CYP2J2: variants seen among roughly 807,000 people sequenced by gnomAD.
CYP2J2 encodes the protein cytochrome P450 family 2 subfamily J member 2.
CYP2J2 carries 41 observed loss-of-function variants against 48.8 expected under a neutral mutation model. The ratio of observed to expected loss-of-function variants is 0.84; its 90% CI spans 0.66 to 1.09. The LOEUF (loss-of-function observed/expected upper bound fraction) is 1.09. Ranked by LOEUF, CYP2J2 falls within the 50% of genes least tolerant of loss-of-function variation. The pLI is 0.00. For missense variants in CYP2J2, 644 were observed against 617.3 expected (o/e 1.04, Z -0.46); for synonymous variants, 221 against 227.1 (o/e 0.97, Z 0.24).
At chr1:59,957,705 A>ACACACAC in the CYP2J2 span, among the ~76,000 whole-genome samples, 35 of 150,688 alleles carry the variant, frequency 2.3e-4, no homozygotes, top group African/African-American at 8.5e-4. Context: ...CACACACACC[A>ACACACAC]CACACACACA....
At chr1:59,941,104 A>G in the CYP2J2 span, among the ~76,000 whole-genome samples, 8 of 152,242 alleles carry the variant, frequency 5.3e-5, no homozygotes, top group Admixed American at 5.2e-4. Context: ...TATAGTTAAC[A>G]ACAATGTACT....
chr1:59,911,691 A>G lies in CYP2J2; in HGVS notation c.601T>C (p.Phe201Leu), dbSNP rs1433203930. The change falls in exon 4 of 9, where the codon TTT becomes CTT. Residue 201 changes from phenylalanine to leucine, a missense_variant. Physicochemically the swap from Phe to Leu is conservative, Grantham distance 22. Transcript: ENST00000371204. Reference sequence around the variant, plus strand: ...TGAAACCAACTATCCTGGTACTCAAAGCGTTCTCCGAAGGTGATGGAGCAA... The same window carrying G: ...TGAAACCAACTATCCTGGTACTCAAGGCGTTCTCCGAAGGTGATGGAGCAA... ...IICSITFGER[F>L]EYQDSWFQQL... is the part of the protein sequence containing the mutation. The G allele has an allele frequency of 1.2e-5, 20 of 1,613,624 alleles. No homozygotes were observed. Among genetic ancestry groups the G allele is most frequent in the Admixed American group, 1.7e-5 (1 of 59,990 alleles).
chr1:59,914,978 C>CGCT (rs1644452040), intron 2 of CYP2J2, among the ~76,000 whole-genome samples: 1 of 152,204 alleles, frequency 6.6e-6, no homozygotes, highest in Non-Finnish European at 1.5e-5. Flanking sequence ...TTGGCAGCAA[C>CGCT]GCTGCTCTGT....
chr1:59,968,475 C>T, the CYP2J2 span, among the ~76,000 whole-genome samples: 1 of 152,120 alleles, frequency 6.6e-6, no homozygotes, highest in Non-Finnish European at 1.5e-5. Flanking sequence ...CCTGGAGTCC[C>T]ACCGAGAAGA....
At chr1:59,944,485 A>G in the CYP2J2 span, among the ~76,000 whole-genome samples, 1 of 152,234 alleles carries the variant, frequency 6.6e-6, no homozygotes, top group Non-Finnish European at 1.5e-5. Context: ...GGCCTCCCAA[A>G]TTACCGGGAT....
intron 6 of CYP2J2, among the ~76,000 whole-genome samples, chr1:59,906,278 C>A (rs1335753599): frequency 6.6e-6 from 1 of 152,168 alleles, no homozygotes; most frequent in African/African-American, 2.4e-5. Context: ...ATCCTTGGAA[C>A]AGGTTCCTAA....
At chr1:59,931,512 A>C (rs547396112), upstream of CYP2J2, among the ~76,000 whole-genome samples, 15 of 152,250 alleles carry the variant, frequency 9.9e-5, no homozygotes, top group South Asian at 3.1e-3. Flanking sequence ...AATACAAGTG[A>C]AACTGAGTAG....
intron 1 of CYP2J2, among the ~76,000 whole-genome samples, chr1:59,919,983 T>C (rs1028653407): frequency 1.3e-5 from 2 of 152,022 alleles, no homozygotes; most frequent in African/African-American, 2.4e-5. Flanking sequence ...CAAAGTCTCT[T>C]GGGAGAGACT....
the CYP2J2 span, among the ~76,000 whole-genome samples, chr1:59,935,025 T>TATATATATATATATATACAC: frequency 9.3e-5 from 8 of 85,840 alleles, no homozygotes; most frequent in East Asian, 1.2e-3. Context: ...CATATATATA[T>TATATATATATATATATACAC]ATATATATAT....
intron 8 of CYP2J2, among the ~76,000 whole-genome samples, chr1:59,900,614 A>C (rs1644310717): frequency 6.6e-6 from 1 of 152,338 alleles, no homozygotes; most frequent in African/African-American, 2.4e-5. Flanking sequence ...AGCCTTGTGC[A>C]ATAAGAGTGA....
the CYP2J2 span, among the ~76,000 whole-genome samples, chr1:59,957,668 T>TCAGACACA: frequency 1.3e-5 from 2 of 150,422 alleles, no homozygotes; most frequent in African/African-American, 2.5e-5. Context: ...TGAGAAATAT[T>TCAGACACA]CACAGACACA....
At chr1:59,968,926 T>C in the CYP2J2 span, among the ~76,000 whole-genome samples, 4 of 152,128 alleles carry the variant, frequency 2.6e-5, no homozygotes, top group Admixed American at 1.3e-4. Context: ...TGTTCGGATA[T>C]GTTCGGGGTT....
the CYP2J2 span, among the ~76,000 whole-genome samples, chr1:59,935,043 T>TATATATAC: frequency 9.0e-6 from 1 of 110,836 alleles, no homozygotes; most frequent in Non-Finnish European, 1.9e-5. Flanking sequence ...TATATATATA[T>TATATATAC]ATATATATAC....
In CYP2J2 at chr1:59,905,026, C is replaced by T; in HGVS notation, c.1036G>A (p.Gly346Ser). The T allele has an allele frequency of 6.2e-7, 1 of 1,613,824 alleles. No homozygotes were observed. The highest frequency in any genetic ancestry group is 8.5e-7 in the Non-Finnish European group (1 of 1,179,926). ...GCTGTGCTCGGCTGCTGCCCCTGGC[C>T]AATCACTCTGTCAATCTCAGCTTGT... ...KVQAEIDRVI[G>S]QGQQPSTAAR... Residue 346 changes from glycine to serine, a missense_variant, in exon 7 of 9, where the codon GGC (glycine) becomes AGC (serine). Physicochemically the swap from Gly to Ser is moderately conservative, Grantham distance 56 (BLOSUM62 0). Transcript: ENST00000371204.
At chr1:59,966,510 A>G in the CYP2J2 span, among the ~76,000 whole-genome samples, 1 of 152,210 alleles carries the variant, frequency 6.6e-6, no homozygotes, top group South Asian at 2.1e-4. Flanking sequence ...ACCCAAACAC[A>G]GGTCTTTGAC....
the CYP2J2 span, among the ~76,000 whole-genome samples, chr1:59,955,205 T>C: frequency 6.8e-6 from 1 of 147,764 alleles, no homozygotes; most frequent in East Asian, 2.0e-4. Context: ...CATATGCACG[T>C]GTGTATGTAT....
intron 6 of CYP2J2, among the ~76,000 whole-genome samples, chr1:59,907,485 C>A (rs11572281): frequency 1.3e-5 from 2 of 152,198 alleles, no homozygotes; most frequent in Admixed American, 1.3e-4. Flanking sequence ...CACAACTAGA[C>A]TTTCACATCA....
At chr1:59,901,952 T>C (rs1644323609) in intron 7 of CYP2J2, among the ~76,000 whole-genome samples, 1 of 152,138 alleles carries the variant, frequency 6.6e-6, no homozygotes, top group South Asian at 2.1e-4. Flanking sequence ...CACACTTCAA[T>C]AGTTACCCAT....
In CYP2J2 at chr1:59,907,750, C is replaced by A. The variant is rs757111980; in HGVS notation, c.1003+36G>T. ...GCAGCACATCCCAGGAGGCACTATTCTGTCCTGGTTCAGGCTTACTCACTG... is the reference window on the plus strand; with the variant it reads ...GCAGCACATCCCAGGAGGCACTATTATGTCCTGGTTCAGGCTTACTCACTG... On this transcript the variant is annotated intron_variant, in intron 6 of 8. Transcript: ENST00000371204. The A allele has an allele frequency of 1.4e-5, 23 of 1,611,956 alleles. 1 individual carries two copies. The South Asian group carries it at 2.5e-4, about 18-fold the overall frequency.
Sources: gnomAD v4.1 joint callset for allele counts (sites outside exome capture counted in the v4.1 genomes callset) on GRCh38, gnomAD v4.1.1 for gene constraint, MANE v1.5 for transcripts, NCBI Gene and HGNC (gene_info 2026-07-23, HGNC 2026-07-21) for gene names.